Variants in HEXA observed in about 807,000 individuals in gnomAD.
The protein encoded by HEXA is hexosaminidase subunit alpha.
Under a neutral mutation model 73.3 loss-of-function variants are expected in HEXA, and 54 were observed. That is an observed-to-expected ratio of 0.74 (90% CI 0.59 to 0.92). The LOEUF (loss-of-function observed/expected upper bound fraction) is 0.92. HEXA is among the 40% of genes least tolerant of loss of function. The pLI is 0.00. For synonymous variants in HEXA, 230 were observed against 246.9 expected (o/e 0.93, Z 0.64); for missense variants, 649 against 653.0 (o/e 0.99, Z 0.07).
At chr15:72,368,945 C>G (rs925094874) in intron 1 of HEXA, among the ~76,000 whole-genome samples, 5 of 152,196 alleles carry the variant, frequency 3.3e-5, no homozygotes, top group African/African-American at 1.2e-4. Context: ...CCCTCAATCC[C>G]AAGAGCTTTA....
chr15:72,369,504 T>G (rs997994033), intron 1 of HEXA, among the ~76,000 whole-genome samples: 2 of 152,192 alleles, frequency 1.3e-5, no homozygotes, highest in African/African-American at 4.8e-5. Context: ...ATAAGAGTGA[T>G]CCCTTTCTTT....
chr15:72,347,809 C>A (rs2088638040), intron 9 of HEXA, 51 bp from the exon 10 acceptor site: 1 of 1,550,468 alleles, frequency 6.4e-7, no homozygotes, highest in African/African-American at 1.4e-5. Context: ...CAGATGGGTT[C>A]TAGACTGTTT....
intron 1 of HEXA, among the ~76,000 whole-genome samples, chr15:72,369,251 A>G (rs1216621462): frequency 6.6e-6 from 1 of 152,260 alleles, no homozygotes; most frequent in Non-Finnish European, 1.5e-5. Flanking sequence ...ACAGAAGAAA[A>G]TATAATCCAT....
At chr15:72,364,086 A>C (rs903058753) in intron 1 of HEXA, among the ~76,000 whole-genome samples, 1 of 152,124 alleles carries the variant, frequency 6.6e-6, no homozygotes, top group Non-Finnish European at 1.5e-5. Flanking sequence ...GCCAGTCAAC[A>C]TGGCGAAACC....
intron 10 of HEXA, 38 bp downstream of exon 10, chr15:72,347,648 A>C (rs962380745): frequency 1.3e-6 from 2 of 1,537,106 alleles, no homozygotes; most frequent in African/African-American, 2.7e-5. Flanking sequence ...AGAGGGAGGC[A>C]CTGCTGGTGG....
At position 72,341,717 on chromosome 15, in the gene HEXA, G is replaced by A. The variant is rs773668527; in HGVS notation, c.*2360C>T. 6.6e-6 allele frequency: 1 copy of A among 152,192 alleles called. No homozygotes were observed. The allele number at this position is 152,192 out of a possible 1,614,324, so 9.4% of individuals were successfully genotyped here. On this transcript the variant is annotated 3_prime_UTR_variant, in exon 14 of 14. Transcript: ENST00000268097. ...GATTCTGTTCATTGGAACAGACTGGGTGGTAACTGCAGGCCACTGCAGTTG... is the reference window on the plus strand; with the variant it reads ...GATTCTGTTCATTGGAACAGACTGGATGGTAACTGCAGGCCACTGCAGTTG...
At position 72,346,295 on chromosome 15, in the gene HEXA, C is replaced by T. The variant is rs1229811721; in HGVS notation, c.1361G>A (p.Gly454Asp). 6.2e-7 allele frequency: 1 copy of T among 1,614,088 alleles called. No homozygotes were observed. Among genetic ancestry groups the T allele is most frequent in the Non-Finnish European group, 8.5e-7 (1 of 1,179,962 alleles). ...TTCTCCCCACATACAAGCCTCTCCA[C>T]CAATCACCAGAGCCTTCTGCTCAGG... ...GTPEQKALVI[G>D]GEACMWGEYV... Residue 454 changes from glycine to aspartate, a missense_variant, in exon 12 of 14, where the codon GGT becomes GAT. Gly to Asp is a moderately conservative substitution (Grantham distance 94). Transcript: ENST00000268097.
At chr15:72,369,299 A>T (rs917790749) in intron 1 of HEXA, among the ~76,000 whole-genome samples, 6 of 152,248 alleles carry the variant, frequency 3.9e-5, no homozygotes, top group African/African-American at 1.4e-4. Flanking sequence ...GTAAACCTTG[A>T]GACAGCTCAC....
intron 1 of HEXA, among the ~76,000 whole-genome samples, chr15:72,362,753 TA>T (rs200731770): frequency 0.015 from 2,302 of 152,256 alleles, 47 homozygotes; most frequent in African/African-American, 0.052. Context: ...TTAGGGTCAC[TA>T]ATAACTATTA....
intron 2 of HEXA, 152 bp downstream of exon 2, chr15:72,356,373 A>G (rs748790260): frequency 5.3e-5 from 42 of 788,120 alleles, no homozygotes; most frequent in Non-Finnish European, 8.5e-5. Context: ...GGAAAAACTC[A>G]TCTTCCATGG....
chr15:72,351,020 A>G (rs2088687682), intron 6 of HEXA, 113 bp downstream of exon 6: 2 of 757,048 alleles, frequency 2.6e-6, no homozygotes, highest in Middle Eastern at 2.2e-4. Flanking sequence ...TCCTTCCCCT[A>G]TATTGGTCTA....
chr15:72,347,990 G>GGGAGGACCACACA, intron 9 of HEXA, 58 bp downstream of exon 9: 4 of 1,228,442 alleles, frequency 3.3e-6, no homozygotes, highest in Non-Finnish European at 4.8e-6. Flanking sequence ...GGTATGGAAA[G>GGGAGGACCACACA]GGAGGACCCC....
chr15:72,371,591 GAAAAAAAA>G (rs11299619), intron 1 of HEXA, among the ~76,000 whole-genome samples: 13 of 121,986 alleles, frequency 1.1e-4, no homozygotes, highest in African/African-American at 2.3e-4. Flanking sequence ...GTCTCTAAAA[GAAAAAAAA>G]AAAAAAAAAA....
chr15:72,349,119 A>G lies in HEXA; in HGVS notation c.946T>C (p.Tyr316His), dbSNP rs754013071. ...LEVSSVFPDF[Y>H]LHLGGDEVDF... Reference sequence around the variant, plus strand: ...ACCTCATCTCCTCCAAGATGAAGATAAAAATCTGGGAAGACAGAGCTGACT... The same window carrying G: ...ACCTCATCTCCTCCAAGATGAAGATGAAAATCTGGGAAGACAGAGCTGACT... Residue 316 changes from tyrosine (Y) to histidine (H), a missense_variant, in exon 8 of 14, where the codon TAT becomes CAT. Physicochemically the swap from Tyr to His is moderately conservative, Grantham distance 83. Coordinates refer to ENST00000268097, the MANE Select transcript of HEXA (RefSeq NM_000520.6). 1.2e-5 allele frequency: 20 copies of G among 1,614,000 alleles called. No homozygotes were observed. The highest frequency in any genetic ancestry group is 8.5e-7 in the Non-Finnish European group (1 of 1,179,948).
At chr15:72,354,237 T>TAA (rs753648050) in intron 3 of HEXA, 1 of 162,730 alleles carries the variant, frequency 6.1e-6, no homozygotes, top group African/African-American at 2.4e-5. Context: ...ACCTAGAAGA[T>TAA]AAAAAAAATC....
chr15:72,348,581 C>T (rs991045803), intron 8 of HEXA, among the ~76,000 whole-genome samples: 1 of 152,246 alleles, frequency 6.6e-6, no homozygotes, highest in Non-Finnish European at 1.5e-5. Context: ...TTTTCCCCTG[C>T]TCACATCTCC....
At position 72,362,611 on chromosome 15, in the gene HEXA, G is replaced by C. The variant is rs973816354; in HGVS notation, c.254-5994C>G. On this transcript the variant is annotated intron_variant, in intron 1 of 13. Coordinates refer to ENST00000268097, the MANE Select transcript of HEXA (RefSeq NM_000520.6). Reference sequence around the variant, plus strand: ...GTATTTCTGAAATCCTGAGACTGGGGTGGGCGATGCTAAGAAGACGCCCAG... The same window carrying C: ...GTATTTCTGAAATCCTGAGACTGGGCTGGGCGATGCTAAGAAGACGCCCAG... 2.4e-4 allele frequency: 96 copies of C among 404,082 alleles called. 1 individual carries two copies. The highest frequency in any genetic ancestry group is 1.7e-3 in the South Asian group (93 of 54,688). 25.0% of individuals were successfully genotyped at this position (404,082 alleles called of 1,614,324 possible). A position where few individuals can be genotyped will look rare whatever the true frequency, so the allele number is the denominator to read the frequency against.
chr15:72,366,819 T>C (rs746671036), intron 1 of HEXA, among the ~76,000 whole-genome samples: 5 of 152,152 alleles, frequency 3.3e-5, no homozygotes, highest in Non-Finnish European at 7.4e-5. Flanking sequence ...TTCAAACTCA[T>C]TCTCCCAAGC....
At chr15:72,346,808 C>T in intron 10 of HEXA, 98 bp from the exon 11 acceptor site, 1 of 1,093,992 alleles carries the variant, frequency 9.1e-7, no homozygotes, top group Non-Finnish European at 1.4e-6. Context: ...GTATGTGCTC[C>T]CTCTGTTCCC....
Sources: allele counts gnomAD v4.1 joint callset (sites outside exome capture counted in the v4.1 genomes callset), GRCh38; gene constraint gnomAD v4.1.1; transcripts MANE v1.5; gene names NCBI Gene and HGNC (gene_info 2026-07-23, HGNC 2026-07-21).